LUC7L2: variants seen among roughly 807,000 people sequenced by gnomAD.
The protein encoded by LUC7L2 is LUC7 like 2, pre-mRNA splicing factor.
A neutral mutation model predicts 52.8 loss-of-function variants in LUC7L2; 25 were observed. That is an observed-to-expected ratio of 0.47 (90% CI 0.34 to 0.66). The LOEUF (loss-of-function observed/expected upper bound fraction) is 0.66, where lower values mean the gene tolerates loss of function less well. Ranked by LOEUF, LUC7L2 falls within the 30% of genes least tolerant of loss-of-function variation. The pLI is 0.01. For synonymous variants in LUC7L2, 144 were observed against 160.9 expected (o/e 0.89, Z 0.80); for missense variants, 328 against 497.8 (o/e 0.66, Z 3.25).
At position 139,408,441 on chromosome 7, in the gene LUC7L2, G is replaced by A. The variant is rs151064220; in HGVS notation, c.687+1091G>A. 7.1e-3 allele frequency among the ~76,000 whole-genome samples: 1,086 copies of A among 152,184 alleles called. 15 individuals carry two copies. Among genetic ancestry groups the A allele is most frequent in the African/African-American group, 0.023 (973 of 41,506 alleles). On this transcript the variant is annotated intron_variant, in intron 6 of 9. Coordinates refer to ENST00000354926, the MANE Select transcript of LUC7L2 (RefSeq NM_016019.5). ...TTCCATATTAGAAATCACAGGGCAT[G>A]GGAACTTGTGATTTATAATGGTTGA...
At chr7:139,411,960 CAAAA>C (rs1039246232) in intron 7 of LUC7L2, among the ~76,000 whole-genome samples, 22 of 151,984 alleles carry the variant, frequency 1.4e-4, no homozygotes, top group African/African-American at 4.1e-4. Context: ...ATCCCAAATC[CAAAA>C]AATGAAATCC....
chr7:139,374,975 C>T, intron 1 of LUC7L2: 1 of 986,084 alleles, frequency 1.0e-6, no homozygotes. Context: ...GTATTTATAT[C>T]TCTTTTGGCA....
intron 1 of LUC7L2, among the ~76,000 whole-genome samples, chr7:139,346,948 C>T (rs1315129662): frequency 5.9e-5 from 9 of 152,216 alleles, no homozygotes; most frequent in African/African-American, 1.9e-4. Flanking sequence ...ATAACCTTCT[C>T]CTCGTCTGTC....
intron 1 of LUC7L2, among the ~76,000 whole-genome samples, chr7:139,362,654 A>G (rs1415317308): frequency 6.8e-6 from 1 of 146,424 alleles, no homozygotes; most frequent in Non-Finnish European, 1.5e-5. Context: ...TCCAGAGACT[A>G]TAAAGCAGCG....
chr7:139,396,707 C>A (rs771966935), intron 2 of LUC7L2, among the ~76,000 whole-genome samples: 4 of 152,104 alleles, frequency 2.6e-5, no homozygotes, highest in Non-Finnish European at 4.4e-5. Context: ...CAGTGGTTTG[C>A]TTTTAAAACC....
At chr7:139,402,323 T>TA (rs1426242117) in intron 4 of LUC7L2, 76 bp downstream of exon 4, 1 of 1,378,858 alleles carries the variant, frequency 7.3e-7, no homozygotes, top group Non-Finnish European at 9.5e-7. Flanking sequence ...TTTGAAATAA[T>TA]TAGATTTGCA....
At chr7:139,396,861 A>T (rs1440250653) in intron 2 of LUC7L2, among the ~76,000 whole-genome samples, 2 of 152,210 alleles carry the variant, frequency 1.3e-5, no homozygotes, top group Non-Finnish European at 2.9e-5. Context: ...TTCTCTGCTC[A>T]TACCTACTTA....
In LUC7L2 at chr7:139,412,825, TAAAAAA is replaced by T. The variant is rs10593094; in HGVS notation, c.809+263_809+268del. Reference sequence around the variant, plus strand: ...GGGCAACAGAATAGGACTCTGTCTTTAAAAAAAAAAAAAAAAAAAAAAAGAAAATTT... The same window carrying T: ...GGGCAACAGAATAGGACTCTGTCTTTAAAAAAAAAAAAAAAAAGAAAATTT... On this transcript the variant is annotated intron_variant, in intron 8 of 9. Coordinates refer to ENST00000354926, the MANE Select transcript of LUC7L2 (RefSeq NM_016019.5). The T allele has an allele frequency of 3.2e-3, 393 of 122,458 alleles. 1 individual carries two copies. Among genetic ancestry groups the T allele is most frequent in the Middle Eastern group, 0.021 (5 of 240 alleles). 7.6% of individuals were successfully genotyped at this position (122,458 alleles called of 1,614,324 possible).
chr7:139,401,779 G>A lies in LUC7L2; in HGVS notation c.256-358G>A, dbSNP rs575906601. 4.4e-4 allele frequency among the ~76,000 whole-genome samples: 66 copies of A among 148,868 alleles called. 1 individual carries two copies. In the South Asian group the frequency reaches 4.5e-3, roughly 10 times the overall value. On this transcript the variant is annotated intron_variant, in intron 3 of 9. Coordinates refer to ENST00000354926, the MANE Select transcript of LUC7L2 (RefSeq NM_016019.5). ...CTTTTTTTTTTTTTTTTAATGACAGGGTCTCGCTGTGTCACCCAGACTGGA... is the reference window on the plus strand; with the variant it reads ...CTTTTTTTTTTTTTTTTAATGACAGAGTCTCGCTGTGTCACCCAGACTGGA...
At chr7:139,420,191 G>C (rs1305085274) in intron 9 of LUC7L2, among the ~76,000 whole-genome samples, 1 of 152,032 alleles carries the variant, frequency 6.6e-6, no homozygotes, top group Non-Finnish European at 1.5e-5. Context: ...GGGTTCATTG[G>C]TTTAGGCTAA....
chr7:139,362,285 TTCTA>T (rs1293551351), intron 1 of LUC7L2, among the ~76,000 whole-genome samples: 2 of 152,110 alleles, frequency 1.3e-5, no homozygotes, highest in African/African-American at 2.4e-5. Context: ...TCAAAATTAA[TTCTA>T]TATATGCAAA....
At chr7:139,404,622 A>G (rs1285506794) in intron 4 of LUC7L2, among the ~76,000 whole-genome samples, 3 of 152,208 alleles carry the variant, frequency 2.0e-5, no homozygotes, top group Non-Finnish European at 4.4e-5. Context: ...TTTATGTGCC[A>G]TTACAACAGT....
chr7:139,422,414 A>C lies in LUC7L2; in HGVS notation c.*74A>C. ...ACTATTGTTTAGTTCACAGCTGTTC[A>C]GGGTGACAGTGAGCAGATCCAGACA... On this transcript the variant is annotated 3_prime_UTR_variant, in exon 10 of 10. Coordinates refer to ENST00000354926, the MANE Select transcript of LUC7L2 (RefSeq NM_016019.5). The C allele has an allele frequency of 1.3e-6, 2 of 1,521,176 alleles. No homozygotes were observed. Among genetic ancestry groups the C allele is most frequent in the South Asian group, 1.3e-5 (1 of 74,344 alleles). The allele number at this position is 1,521,176 out of a possible 1,614,324, so 94.2% of individuals were successfully genotyped here.
intron 2 of LUC7L2, among the ~76,000 whole-genome samples, chr7:139,385,778 T>TA (rs2131243426): frequency 6.6e-6 from 1 of 152,360 alleles, no homozygotes; most frequent in African/African-American, 2.4e-5. Context: ...TGAGTCTCAA[T>TA]AAATGCTTTT....
chr7:139,398,522 G>A (rs1794758217), intron 2 of LUC7L2, 77 bp from the exon 3 acceptor site: 1 of 1,195,484 alleles, frequency 8.4e-7, no homozygotes. Context: ...TATGTATTCT[G>A]ACAAGAACTG....
At chr7:139,405,952 AC>A (rs1408151535) in intron 5 of LUC7L2, among the ~76,000 whole-genome samples, 165 bp downstream of exon 5, 1 of 152,238 alleles carries the variant, frequency 6.6e-6, no homozygotes, top group Non-Finnish European at 1.5e-5. Context: ...CAAAAACAAA[AC>A]AAAACTCGGA....
intron 1 of LUC7L2, among the ~76,000 whole-genome samples, chr7:139,353,532 T>TTAA (rs1799518224): frequency 6.6e-6 from 1 of 152,180 alleles, no homozygotes; most frequent in African/African-American, 2.4e-5. Flanking sequence ...GATGAATACA[T>TTAA]GGTTACTACA....
At chr7:139,411,936 T>TA (rs554338117) in intron 7 of LUC7L2, among the ~76,000 whole-genome samples, 135 of 152,244 alleles carry the variant, frequency 8.9e-4, no homozygotes, top group Middle Eastern at 3.4e-3. Flanking sequence ...CAAGTTGTGA[T>TA]ATGTAGGTTG....
chr7:139,350,279 G>T lies in LUC7L2; in HGVS notation c.-26+9762G>T, dbSNP rs879562162. ...TGGGACTACAGGCGCCCGCCACCAC[G>T]CCCGGCTAATTTTTTGTATTTTTAG... On this transcript the variant is annotated intron_variant, in intron 1 of 10. Transcript: ENST00000541170. Among the ~76,000 whole-genome samples the T allele has an allele frequency of 1.4e-4, 22 of 151,776 alleles. No homozygotes were observed. The East Asian group carries it at 4.3e-3, about 29-fold the overall frequency.
Sources: allele counts gnomAD v4.1 joint callset (sites outside exome capture counted in the v4.1 genomes callset), GRCh38; gene constraint gnomAD v4.1.1; transcripts MANE v1.5; gene names NCBI Gene and HGNC (gene_info 2026-07-23, HGNC 2026-07-21).